Variants in TTLL8 observed in about 807,000 individuals in gnomAD.
The protein encoded by TTLL8 is tubulin tyrosine ligase like 8.
A neutral mutation model predicts 77.8 loss-of-function variants in TTLL8; 65 were observed. The observed-to-expected ratio is 0.84, with a 90% CI of 0.68 to 1.03. The LOEUF (loss-of-function observed/expected upper bound fraction) is 1.03, where lower values mean the gene tolerates loss of function less well. TTLL8 is among the 50% of genes least tolerant of loss of function. The pLI is 0.00. For missense variants in TTLL8, 910 were observed against 1,004.5 expected, an observed-to-expected ratio of 0.91 and a Z score of 1.27; for synonymous variants, 402 against 422.8, an observed-to-expected ratio of 0.95 and a Z score of 0.60.
At chr22:50,033,853 G>T (rs746853975) in intron 9 of TTLL8, among the ~76,000 whole-genome samples, 7 of 152,176 alleles carry the variant, frequency 4.6e-5, no homozygotes, top group Non-Finnish European at 8.8e-5. Context: ...TGGCCAACAT[G>T]GTGAAACTCC....
intron 11 of TTLL8, 92 bp downstream of exon 12, chr22:50,031,594 G>T: frequency 1.7e-6 from 2 of 1,196,470 alleles, no homozygotes; most frequent in Non-Finnish European, 2.1e-6. Flanking sequence ...CTGCACTGGC[G>T]GCCTGCAGCT....
intron 3 of TTLL8, among the ~76,000 whole-genome samples, chr22:50,048,149 T>C (rs2061423997): frequency 6.8e-6 from 1 of 147,832 alleles, no homozygotes; most frequent in Admixed American, 6.7e-5. Context: ...TGTGTGTAAA[T>C]AATAGCATAC....
intron 11 of TTLL8, chr22:50,031,471 CCTTCCT>C: frequency 2.3e-6 from 2 of 882,372 alleles, no homozygotes; most frequent in Non-Finnish European, 1.4e-6. Flanking sequence ...TGGAGTAGCC[CCTTCCT>C]CGGTGCCGAC....
chr22:50,045,313 T>TCTGCTGCTC, exon 6 of TTLL8: 2 of 1,364,674 alleles, frequency 1.5e-6, no homozygotes, highest in Non-Finnish European at 2.0e-6. Context: ...TGGGCTTGCT[T>TCTGCTGCTC]CTGCTGCTCC....
chr22:50,030,154 A>C (rs2061276046), intron 12 of TTLL8: 1 of 984,698 alleles, frequency 1.0e-6, no homozygotes, highest in East Asian at 1.1e-4. Context: ...TATGGGGACA[A>C]AGGCGTCACC....
At chr22:50,048,115 AGTGTGTGT>A (rs34500180) in intron 3 of TTLL8, among the ~76,000 whole-genome samples, 6 of 145,736 alleles carry the variant, frequency 4.1e-5, no homozygotes, top group East Asian at 2.0e-4. Flanking sequence ...CCCCCAAAAA[AGTGTGTGT>A]GTGTGTGTGT....
chr22:50,044,904 T>G lies in TTLL8; in HGVS notation c.643+351A>C. 6.6e-6 allele frequency among the ~76,000 whole-genome samples: 1 copy of G among 151,590 alleles called. No homozygotes were observed. The highest frequency in any genetic ancestry group is 1.5e-5 in the Non-Finnish European group (1 of 67,824). ...CTGTGTCCTCTCCCACGGGGCCCCT[T>G]TGGGGAGACTCAGGCTGCGGCATCG... On this transcript the variant is annotated intron_variant, in intron 6 of 13. Coordinates refer to ENST00000266182, the Ensembl canonical transcript of TTLL8. The surrounding 1 kb of genome is among the most constrained non-coding windows in gnomAD (Gnocchi z 4.2).
intron 6 of TTLL8, among the ~76,000 whole-genome samples, chr22:50,043,821 C>T (rs369019331): frequency 1.1e-3 from 172 of 151,994 alleles, no homozygotes; most frequent in African/African-American, 3.9e-3. Flanking sequence ...AAGGCAAAAC[C>T]GTGGAGACAG....
At chr22:50,019,896 G>C (rs1428984326) in intron 12 of TTLL8, among the ~76,000 whole-genome samples, 1 of 152,094 alleles carries the variant, frequency 6.6e-6, no homozygotes, top group Non-Finnish European at 1.5e-5. Context: ...TGGCAGTCCG[G>C]AATTTTATGC....
chr22:50,055,339 G>A, upstream of TTLL8: 5 of 1,289,650 alleles, frequency 3.9e-6, no homozygotes, highest in Non-Finnish European at 5.1e-6. Context: ...CAAAAGAGAA[G>A]GAGGACATCA....
intron 9 of TTLL8, 60 bp from the exon 11 acceptor site, chr22:50,033,505 C>A: frequency 7.6e-7 from 1 of 1,309,438 alleles, no homozygotes; most frequent in Middle Eastern, 2.2e-4. Context: ...GACCTGAGCT[C>A]CTGAGCCCTG....
At chr22:50,019,583 A>T (rs1351121966) in intron 12 of TTLL8, among the ~76,000 whole-genome samples, 1 of 152,158 alleles carries the variant, frequency 6.6e-6, no homozygotes, top group African/African-American at 2.4e-5. Flanking sequence ...GCCCTGTGGA[A>T]GGTCCACGTG....
intron 12 of TTLL8, among the ~76,000 whole-genome samples, chr22:50,019,399 C>T (rs918922612): frequency 1.3e-5 from 2 of 152,210 alleles, no homozygotes; most frequent in Non-Finnish European, 2.9e-5. Flanking sequence ...CAGGCAATCA[C>T]GCATGTGTGC....
chr22:50,036,162 C>T (rs969404546), intron 8 of TTLL8, among the ~76,000 whole-genome samples: 2 of 152,228 alleles, frequency 1.3e-5, no homozygotes, highest in Admixed American at 1.3e-4. Flanking sequence ...GGGGTCCCAG[C>T]TGAGCCCAGC....
At chr22:50,045,874 C>T in exon 5 of TTLL8, 1 of 1,355,626 alleles carries the variant, frequency 7.4e-7, no homozygotes, top group Non-Finnish European at 9.8e-7. Flanking sequence ...TCCTGCTGCT[C>T]ACTCTCGGTG....
At chr22:50,020,288 T>C (rs140066397) in intron 12 of TTLL8, among the ~76,000 whole-genome samples, 1,878 of 131,564 alleles carry the variant, frequency 0.014, 24 homozygotes, top group Middle Eastern at 0.018. Context: ...CTCCATCTGA[T>C]GTGCACTCCT....
At position 50,027,845 on chromosome 22, in the gene TTLL8, G is replaced by GTGCC; in HGVS notation, c.2203+2584_2203+2585insGGCA. On this transcript the variant is annotated intron_variant, in intron 12 of 13. Coordinates refer to ENST00000266182, the Ensembl canonical transcript of TTLL8. ...AGCCAGGAGTCTGGAAGCAAGCCCA[G>GTGCC]CTCCTCCCGGCCGTGCCCTCGAGGG... 5.1e-6 allele frequency: 5 copies of GTGCC among 977,334 alleles called. 1 individual carries two copies. Among genetic ancestry groups the GTGCC allele is most frequent in the South Asian group, 9.5e-5 (2 of 21,130 alleles). The allele number at this position is 977,334 out of a possible 1,614,324, so 60.5% of individuals were successfully genotyped here.
At chr22:50,022,529 GAC>G (rs2061210639) in intron 12 of TTLL8, among the ~76,000 whole-genome samples, 2 of 151,526 alleles carry the variant, frequency 1.3e-5, no homozygotes, top group Non-Finnish European at 2.9e-5. Flanking sequence ...TCCTCCATCT[GAC>G]ATGCATTCCT....
chr22:50,046,034 G>C, intron 4 of TTLL8, 64 bp from the exon 7 acceptor site: 1 of 1,276,274 alleles, frequency 7.8e-7, no homozygotes, highest in Non-Finnish European at 1.0e-6. Context: ...TCGCTCACAA[G>C]GCGAGGACGG....
Sources: allele counts gnomAD v4.1 joint callset (sites outside exome capture counted in the v4.1 genomes callset), GRCh38; gene constraint gnomAD v4.1.1; non-coding constraint Gnocchi (gnomAD v3.1); transcripts MANE v1.5; gene names NCBI Gene and HGNC (gene_info 2026-07-23, HGNC 2026-07-21).